CLCNKB: variants seen among roughly 807,000 people sequenced by gnomAD.
The protein encoded by CLCNKB is chloride channel protein ClC-Kb.
In CLCNKB, 74 loss-of-function variants were observed where a neutral mutation model predicts 83.8. The ratio of observed to expected loss-of-function variants is 0.88; its 90% CI spans 0.73 to 1.07. CLCNKB has a LOEUF of 1.07. CLCNKB is among the 50% of genes least tolerant of loss of function. The pLI, the probability that CLCNKB is intolerant of heterozygous loss-of-function variation, is 0.00. For synonymous variants in CLCNKB, 358 were observed against 356.6 expected (o/e 1.00, Z -0.04); for missense variants, 798 against 893.6 (o/e 0.89, Z 1.36).
chr1:16,051,176 C>T, intron 12 of CLCNKB, 128 bp downstream of exon 12: 1 of 1,413,588 alleles, frequency 7.1e-7, no homozygotes, highest in South Asian at 1.2e-5. Flanking sequence ...TGCCCCCTGC[C>T]CATTGCATGG....
At chr1:16,053,537 C>T (rs1013586096) in intron 15 of CLCNKB, 102 bp from the exon 16 acceptor site, 91 of 1,551,660 alleles carry the variant, frequency 5.9e-5, no homozygotes, top group Non-Finnish European at 7.3e-5. Context: ...CACTCCAGAG[C>T]CGTGGGTCCC....
intron 10 of CLCNKB, 55 bp from the exon 11 acceptor site, chr1:16,050,448 CCCTGCTTCCCTCT>C: frequency 6.5e-7 from 1 of 1,540,462 alleles, no homozygotes; most frequent in Non-Finnish European, 9.0e-7. Flanking sequence ...CCTTGCTAGG[CCCTGCTTCCCTCT>C]CCTTGGGATG....
intron 5 of CLCNKB, 97 bp from the exon 6 acceptor site, chr1:16,048,246 A>G (rs1055857745): frequency 6.6e-6 from 10 of 1,519,640 alleles, no homozygotes; most frequent in African/African-American, 5.5e-5. Context: ...GGCTTGGGAG[A>G]TGGAGGAGGG....
intron 12 of CLCNKB, 104 bp from the exon 13 acceptor site, chr1:16,051,374 C>T: frequency 2.1e-6 from 3 of 1,435,592 alleles, no homozygotes; most frequent in Non-Finnish European, 2.0e-6. Context: ...TGGCCGGCAC[C>T]CTCTTTCTCT....
At position 16,047,941 on chromosome 1, in the gene CLCNKB, G is replaced by A; in HGVS notation, c.395G>A (p.Gly132Asp). 2.5e-6 allele frequency: 4 copies of A among 1,614,096 alleles called. No individual in the cohort carries two copies. Among genetic ancestry groups the A allele is most frequent in the African/African-American group, 2.7e-5 (2 of 75,022 alleles). ...GIPEVKTMLA[G>D]VVLEDYLDIK... is the part of the protein sequence containing the mutation. ...CCGGAGGTGAAGACCATGTTGGCGG[G>A]TGTGGTCTTGGAGGACTACCTGGAT... Residue 132 changes from glycine to aspartate, a missense_variant, in exon 5 of 20, where the codon GGT (glycine) becomes GAT (aspartate). Coordinates refer to ENST00000375679, the MANE Select transcript of CLCNKB (RefSeq NM_000085.5).
rs192283350 is a variant in CLCNKB at position 16,052,402 on chromosome 1, G to T, written c.1613G>T (p.Arg538Leu). ...CCATACCTGCCACGGATTCTGGGCC[G>T]CAACATCGGGTGAGTGGTGCCCACC... is the stretch of plus-strand genomic sequence containing the variant. ...KLPYLPRILG[R>L]NIGSHRVRVE... is the part of the protein sequence containing the mutation. Residue 538 changes from arginine to leucine, a missense_variant, in exon 15 of 20, where the codon CGC becomes CTC. Arg to Leu is a moderately radical substitution (Grantham distance 102). Transcript: ENST00000375679. 6.2e-7 allele frequency: 1 copy of T among 1,613,512 alleles called. No individual in the cohort carries two copies. Among genetic ancestry groups the T allele is most frequent in the Non-Finnish European group, 8.5e-7 (1 of 1,180,040 alleles).
intron 14 of CLCNKB, 29 bp from the exon 15 acceptor site, chr1:16,052,169 A>C (rs1280877082): frequency 6.2e-7 from 1 of 1,612,160 alleles, no homozygotes; most frequent in South Asian, 1.1e-5. Flanking sequence ...CCCTGGCCTG[A>C]GCTGCCCTGC....
At position 16,044,524 on chromosome 1, in the gene CLCNKB, C is replaced by T. The variant is rs760357463; in HGVS notation, c.32C>T (p.Ser11Phe). 3.1e-6 allele frequency: 5 copies of T among 1,606,474 alleles called. No individual in the cohort carries two copies. The highest frequency in any genetic ancestry group is 2.3e-5 in the South Asian group (2 of 88,872). The change falls in exon 2 of 20, where the codon TCC (serine) becomes TTC (phenylalanine). Residue 11 changes from serine (S) to phenylalanine (F), a missense_variant. Transcript: ENST00000375679. ...GAGTTTGTGGGGCTGCGTGAAGGCT[C>T]CTCAGGGAACCCTGTGACTCTGCAG... MEEFVGLREG[S>F]SGNPVTLQEL...
In CLCNKB at chr1:16,047,981, G is replaced by C. The variant is rs772633855; in HGVS notation, c.435G>C (p.Gly145=). 8 of 1,614,056 alleles carry C rather than the reference G, an allele frequency of 5.0e-6. No homozygotes were observed. In the Admixed American group the frequency reaches 1.0e-4, roughly 20 times the overall value. ...LEDYLDIKNF[G]AKVVGLSCTL... is the part of the protein sequence containing the mutation. ...ACTACCTGGATATCAAGAACTTTGG[G>C]GCCAAAGTGGTGGGCCTCTCCTGCA... Residue 145 remains glycine, a synonymous_variant, in exon 5 of 20, where the codon GGG becomes GGC. Coordinates refer to ENST00000375679, the MANE Select transcript of CLCNKB (RefSeq NM_000085.5).
At position 16,052,316 on chromosome 1, in the gene CLCNKB, C is replaced by T. The variant is rs61731106; in HGVS notation, c.1527C>T (p.Asn509=). ...TGCTGATGGCGGTGCTGGCAGCCAACGCCATTGCACAGAGCTGCCAGCCCT... is the reference window on the plus strand; with the variant it reads ...TGCTGATGGCGGTGCTGGCAGCCAATGCCATTGCACAGAGCTGCCAGCCCT... The part of the protein sequence containing the change: ...LPVLMAVLAA[N]AIAQSCQPSF... The change falls in exon 15 of 20, where the codon AAC becomes AAT. Residue 509 remains asparagine (N), a synonymous_variant. Transcript: ENST00000375679. The T allele has an allele frequency of 2.8e-3, 4,493 of 1,613,140 alleles. 123 individuals are homozygous for T. The African/African-American group carries it at 0.054, about 19-fold the overall frequency.
chr1:16,056,416 A>T lies in CLCNKB; in HGVS notation c.1930-6A>T. 1 of 1,613,824 alleles carries T rather than the reference A, an allele frequency of 6.2e-7. No individual in the cohort carries two copies. Among genetic ancestry groups the T allele is most frequent in the South Asian group, 1.1e-5 (1 of 91,060 alleles). On this transcript the variant is annotated splice_region_variant and splice_polypyrimidine_tract_variant and intron_variant, in intron 18 of 19. Coordinates refer to ENST00000375679, the MANE Select transcript of CLCNKB (RefSeq NM_000085.5). ...CCTCCAGTGTTTCCTAACATCCCCC[A>T]TCCAGGCACACAACCTCTTTGAGCT...
chr1:16,048,476 C>T (rs1460458155), intron 6 of CLCNKB, 28 bp from the exon 7 acceptor site: 3 of 1,612,870 alleles, frequency 1.9e-6, no homozygotes, highest in Non-Finnish European at 2.5e-6. Flanking sequence ...AGGGGGCTGA[C>T]TCTGAGCCCT....
At chr1:16,055,565 T>TGGGC in intron 17 of CLCNKB, 42 bp downstream of exon 17, 1 of 1,285,690 alleles carries the variant, frequency 7.8e-7, no homozygotes, top group Non-Finnish European at 1.1e-6. Context: ...CGGGGGTGGG[T>TGGGC]CAGCAGGAAT....
In CLCNKB at chr1:16,048,334, T is replaced by C. The variant is rs767757763; in HGVS notation, c.499-9T>C. The C allele has an allele frequency of 2.4e-5, 39 of 1,613,782 alleles. No homozygotes were observed. Among genetic ancestry groups the C allele is most frequent in the Non-Finnish European group, 3.1e-5 (36 of 1,179,958 alleles). On this transcript the variant is annotated splice_polypyrimidine_tract_variant and intron_variant, in intron 5 of 19. Transcript: ENST00000375679. ...CACCTGGGCCCTGGGCCCACCCTTC[T>C]CTCTGCAGGGCCCTTTCGTGCACCT...
intron 3 of CLCNKB, among the ~76,000 whole-genome samples, chr1:16,046,308 G>A (rs565001837): frequency 6.6e-6 from 1 of 152,312 alleles, no homozygotes; most frequent in South Asian, 2.1e-4. Context: ...CTGAGGCTCA[G>A]AGAGGCTGAG....
rs34324462 is a variant in CLCNKB at position 16,047,445 on chromosome 1, GAAACAAACAAACAAAC to G, written c.359-440_359-425del. ...GGGGGATAGAGTGAGACCCCTGTCT[GAAACAAACAAACAAAC>G]AAACAAACAAACAAACAAAGGAATC... On this transcript the variant is annotated intron_variant, in intron 4 of 19. Transcript: ENST00000375679. Among the ~76,000 whole-genome samples the G allele has an allele frequency of 4.7e-5, 7 of 150,476 alleles. No individual in the cohort carries two copies. In the East Asian group the frequency reaches 5.9e-4, roughly 13 times the overall value.
In CLCNKB at chr1:16,055,495, A is replaced by T; in HGVS notation, c.1817A>T (p.Glu606Val). 1 of 1,589,216 alleles carries T rather than the reference A, an allele frequency of 6.3e-7. No individual in the cohort carries two copies. Among genetic ancestry groups the T allele is most frequent in the South Asian group, 1.1e-5 (1 of 90,612 alleles). ...CAGCTGGTGCAGGCCCTGAAGGCTG[A>T]GCCTCCTTCCTGGGCTCCTGGACAC... ...RAQLVQALKA[E>V]PPSWAPGHQQ... Residue 606 changes from glutamate to valine, a missense_variant, in exon 17 of 20, where the codon GAG becomes GTG. Coordinates refer to ENST00000375679, the MANE Select transcript of CLCNKB (RefSeq NM_000085.5).
intron 1 of CLCNKB, among the ~76,000 whole-genome samples, chr1:16,044,166 G>A (rs1395758184): frequency 1.3e-5 from 2 of 151,944 alleles, no homozygotes; most frequent in Non-Finnish European, 2.9e-5. Flanking sequence ...GGGTGGGAGC[G>A]GCTGCCACCG....
intron 12 of CLCNKB, 83 bp from the exon 13 acceptor site, chr1:16,051,395 C>T (rs757234266): frequency 2.0e-6 from 3 of 1,506,330 alleles, no homozygotes; most frequent in Admixed American, 1.7e-5. Flanking sequence ...CTAGGACACT[C>T]CCCTGTCCCA....
Sources: allele counts gnomAD v4.1 joint callset (sites outside exome capture counted in the v4.1 genomes callset), GRCh38; gene constraint gnomAD v4.1.1; transcripts MANE v1.5; gene names NCBI Gene and HGNC (gene_info 2026-07-23, HGNC 2026-07-21).